ARMH4: variants seen among roughly 807,000 people sequenced by gnomAD.
The protein encoded by ARMH4 is armadillo like helical domain containing 4, also known as armadillo-like helical domain-containing protein 4.
A neutral mutation model predicts 61.9 loss-of-function variants in ARMH4; 49 were observed. The ratio of observed to expected loss-of-function variants is 0.79; its 90% CI spans 0.63 to 1.00. The LOEUF is 1.00. Among genes scored for constraint, ARMH4 ranks in the 50% least tolerant of loss-of-function variants. The pLI, the probability that ARMH4 is intolerant of heterozygous loss-of-function variation, is 0.00. For missense variants in ARMH4, 934 were observed against 930.0 expected (o/e 1.00, Z -0.06); for synonymous variants, 368 against 341.5 (o/e 1.08, Z -0.85).
At chr14:58,102,203 CT>C (rs1013646571) in intron 4 of ARMH4, among the ~76,000 whole-genome samples, 2 of 152,144 alleles carry the variant, frequency 1.3e-5, no homozygotes, top group African/African-American at 4.8e-5. Flanking sequence ...TAAAATATCC[CT>C]CAGGCTGTGT....
intron 4 of ARMH4, among the ~76,000 whole-genome samples, chr14:58,110,546 A>C (rs1886322436): frequency 6.6e-6 from 1 of 152,122 alleles, no homozygotes; most frequent in South Asian, 2.1e-4. Flanking sequence ...GTCACTTCCA[A>C]ATATTTTGAT....
At chr14:58,134,977 T>A (rs1039088578) in intron 2 of ARMH4, among the ~76,000 whole-genome samples, 27 of 144,590 alleles carry the variant, frequency 1.9e-4, no homozygotes, top group East Asian at 5.9e-4. Flanking sequence ...AAAAAAAAAA[T>A]TTATTAATGA....
At chr14:58,050,365 G>C (rs1884095458) in intron 5 of ARMH4, among the ~76,000 whole-genome samples, 1 of 152,214 alleles carries the variant, frequency 6.6e-6, no homozygotes, top group Admixed American at 6.5e-5. Context: ...GAGGACCACA[G>C]TCCTCAAAGC....
chr14:58,047,791 G>A (rs1038769203), intron 5 of ARMH4, among the ~76,000 whole-genome samples: 4 of 152,170 alleles, frequency 2.6e-5, no homozygotes, highest in Admixed American at 2.6e-4. Flanking sequence ...TAAAGGATGG[G>A]AGGTTGCACT....
At chr14:58,052,314 G>A (rs1884171181) in intron 5 of ARMH4, among the ~76,000 whole-genome samples, 1 of 152,124 alleles carries the variant, frequency 6.6e-6, no homozygotes, top group African/African-American at 2.4e-5. Flanking sequence ...CTGGGTGCCA[G>A]CTCTGTGCCA....
At chr14:58,044,297 C>T (rs561305395) in intron 5 of ARMH4, among the ~76,000 whole-genome samples, 2 of 152,262 alleles carry the variant, frequency 1.3e-5, no homozygotes, top group South Asian at 4.1e-4. Flanking sequence ...ATAGAGCCCT[C>T]AGAAATAATA....
intron 4 of ARMH4, among the ~76,000 whole-genome samples, chr14:58,125,144 A>C (rs1676878990): frequency 1.3e-5 from 2 of 152,120 alleles, no homozygotes; most frequent in African/African-American, 4.8e-5. Context: ...CCAAGTGGAC[A>C]TTGAAGCCAA....
chr14:58,105,470 C>T (rs779750479), intron 4 of ARMH4, among the ~76,000 whole-genome samples: 22 of 151,982 alleles, frequency 1.4e-4, no homozygotes, highest in South Asian at 4.2e-4. Flanking sequence ...TGGATCACGA[C>T]GAGGTCAGGA....
chr14:58,078,309 C>T (rs1228322015), intron 5 of ARMH4, among the ~76,000 whole-genome samples: 1 of 152,206 alleles, frequency 6.6e-6, no homozygotes, highest in Non-Finnish European at 1.5e-5. Context: ...CCCACACATG[C>T]CAAGACCTAG....
chr14:58,132,245 T>C (rs952337876), intron 3 of ARMH4, among the ~76,000 whole-genome samples: 49 of 152,340 alleles, frequency 3.2e-4, no homozygotes, highest in African/African-American at 1.1e-3. Flanking sequence ...AAAACTTCAC[T>C]GCCTTTAAGA....
chr14:58,072,948 A>T (rs1276335036), intron 5 of ARMH4, among the ~76,000 whole-genome samples: 1 of 152,192 alleles, frequency 6.6e-6, no homozygotes, highest in African/African-American at 2.4e-5. Flanking sequence ...TTTCATTAAC[A>T]TATCACAGTA....
At chr14:58,051,850 A>G (rs761274736) in intron 5 of ARMH4, among the ~76,000 whole-genome samples, 4 of 152,114 alleles carry the variant, frequency 2.6e-5, no homozygotes, top group Non-Finnish European at 4.4e-5. Context: ...TGCTTCCCCA[A>G]CTGAGTTTCA....
chr14:58,122,421 A>G (rs1886755636), intron 4 of ARMH4, among the ~76,000 whole-genome samples: 1 of 152,160 alleles, frequency 6.6e-6, no homozygotes, highest in Non-Finnish European at 1.5e-5. Flanking sequence ...TTGAGAAAGC[A>G]TACCTCCCTG....
intron 5 of ARMH4, among the ~76,000 whole-genome samples, chr14:58,014,389 G>A (rs1168426838): frequency 2.6e-5 from 4 of 152,108 alleles, no homozygotes; most frequent in Non-Finnish European, 5.9e-5. Flanking sequence ...GAGTGGTTCC[G>A]TGGAGAAGTA....
chr14:58,086,813 C>G (rs1885399762), intron 5 of ARMH4, among the ~76,000 whole-genome samples: 1 of 152,108 alleles, frequency 6.6e-6, no homozygotes, highest in African/African-American at 2.4e-5. Context: ...AAAGGAAGGG[C>G]TCAGCGTGAG....
chr14:58,070,893 CCTT>C (rs1306750983), intron 5 of ARMH4, among the ~76,000 whole-genome samples: 5 of 152,098 alleles, frequency 3.3e-5, no homozygotes, highest in Non-Finnish European at 7.4e-5. Flanking sequence ...TGGTAATGAT[CCTT>C]CTACTCTCTA....
At chr14:58,126,994 G>C (rs1165705266) in intron 4 of ARMH4, among the ~76,000 whole-genome samples, 1 of 151,936 alleles carries the variant, frequency 6.6e-6, no homozygotes, top group Non-Finnish European at 1.5e-5. Flanking sequence ...AGTAGAGGTG[G>C]AGTTTCACTG....
chr14:58,077,682 T>A (rs961353904), intron 5 of ARMH4, among the ~76,000 whole-genome samples: 1 of 152,162 alleles, frequency 6.6e-6, no homozygotes, highest in African/African-American at 2.4e-5. Flanking sequence ...AATATTATTC[T>A]CCTAAATTAC....
chr14:58,040,151 C>G (rs763158296), intron 5 of ARMH4, among the ~76,000 whole-genome samples: 2 of 152,026 alleles, frequency 1.3e-5, no homozygotes, highest in Non-Finnish European at 2.9e-5. Flanking sequence ...GTTCTTAGCA[C>G]CCTAAATTGA....
Sources: allele counts gnomAD v4.1 joint callset (sites outside exome capture counted in the v4.1 genomes callset), GRCh38; gene constraint gnomAD v4.1.1; transcripts MANE v1.5; gene names NCBI Gene and HGNC (gene_info 2026-07-23, HGNC 2026-07-21).